Variants in EIF2B2 observed in about 807,000 individuals in gnomAD.
EIF2B2 encodes eukaryotic translation initiation factor 2B subunit beta, also known as translation initiation factor eIF2B subunit beta.
EIF2B2 carries 34 observed loss-of-function variants against 34.7 expected under a neutral mutation model. The ratio of observed to expected loss-of-function variants is 0.98; its 90% CI spans 0.75 to 1.31. The LOEUF (loss-of-function observed/expected upper bound fraction) is 1.31. Ranked by LOEUF, EIF2B2 falls within the 50% of genes most tolerant of loss-of-function variation. The pLI is 0.00. For synonymous variants in EIF2B2, 155 were observed against 171.6 expected, an observed-to-expected ratio of 0.90 and a Z score of 0.76; for missense variants, 361 against 447.7, an observed-to-expected ratio of 0.81 and a Z score of 1.75.
chr14:75,008,914 G>A, intron 7 of EIF2B2, 117 bp from the exon 8 acceptor site: 1 of 1,389,764 alleles, frequency 7.2e-7, no homozygotes, highest in South Asian at 1.2e-5. Flanking sequence ...TTTTTCCATA[G>A]CTTCCCGTCC....
At position 75,004,817 on chromosome 14, in the gene EIF2B2, C is replaced by T. The variant is rs758398310; in HGVS notation, c.514C>T (p.Arg172Ter). Residue 172 changes from arginine to a stop codon, truncating the protein, a stop_gained, in exon 4 of 8, where the codon CGA (arginine) becomes TGA (stop). Transcript: ENST00000266126. LOFTEE classifies it high-confidence loss of function. ...GGTGATCATGACCATTGGCTTCTCC[C>T]GAACAGTAGAGGCCTTCCTCAAAGA... ...NEVIMTIGFSRTVEAFLKEAA... is the reference protein window; with the variant it reads ...NEVIMTIGFS 13 of 1,610,740 alleles carry T rather than the reference C, an allele frequency of 8.1e-6. No individual in the cohort carries two copies. Among genetic ancestry groups the T allele is most frequent in the East Asian group, 2.2e-5 (1 of 44,784 alleles).
intron 4 of EIF2B2, among the ~76,000 whole-genome samples, chr14:75,005,505 A>T (rs1170670904): frequency 6.6e-6 from 1 of 152,196 alleles, no homozygotes; most frequent in African/African-American, 2.4e-5. Context: ...GATCCTAAGT[A>T]AATAATAGGT....
Position 75,004,703 on chromosome 14 carries a change from TTTTTTTTTTTTTTTTG to T in EIF2B2, c.434-33_434-18del. ...TATATATATATATTTTTTTTTTTTTTTTTTTTTTTTTTTTTGCAAAACCGTTCTTACAGAAGGGACA... is the reference window on the plus strand; with the variant it reads ...TATATATATATATTTTTTTTTTTTTTCAAAACCGTTCTTACAGAAGGGACA... On this transcript the variant is annotated intron_variant, in intron 3 of 7. Coordinates refer to ENST00000266126, the MANE Select transcript of EIF2B2 (RefSeq NM_014239.4). 1.6e-6 allele frequency: 1 copy of T among 606,638 alleles called. No individual in the cohort carries two copies. The highest frequency in any genetic ancestry group is 5.4e-5 in the South Asian group (1 of 18,488). 37.6% of individuals were successfully genotyped at this position (606,638 alleles called of 1,614,324 possible).
rs1013314 is a variant in EIF2B2, at chr14:75,011,821, G to A, written c.*2633G>A. The A allele has an allele frequency of 6.6e-6, 1 of 152,184 alleles. No homozygotes were observed. Among genetic ancestry groups the A allele is most frequent in the African/African-American group, 2.4e-5 (1 of 41,444 alleles). 9.4% of individuals were successfully genotyped at this position (152,184 alleles called of 1,614,324 possible). On this transcript the variant is annotated 3_prime_UTR_variant, in exon 8 of 8. Coordinates refer to ENST00000266126, the MANE Select transcript of EIF2B2 (RefSeq NM_014239.4). ...GGTACAATTGTGTGGTTTGGAGTAA[G>A]AGCAGCAGTGAGGCAAGGAACTTAA...
At chr14:75,007,431 CCTGA>C in intron 6 of EIF2B2, 3 of 366,256 alleles carry the variant, frequency 8.2e-6, no homozygotes, top group South Asian at 2.3e-5. Flanking sequence ...ACATGTTGTG[CCTGA>C]CTTTTTTCAC....
chr14:75,005,911 A>C lies in EIF2B2; in HGVS notation c.643A>C (p.Thr215Pro). 1 of 1,613,612 alleles carries C rather than the reference A, an allele frequency of 6.2e-7. No homozygotes were observed. Among genetic ancestry groups the C allele is most frequent in the Non-Finnish European group, 8.5e-7 (1 of 1,179,606 alleles). ...TTTGTCCAAAGCAGGTATTGAGACA[A>C]CTGTCATGACTGATGCTGCCATTTT... is the stretch of plus-strand genomic sequence containing the variant. ...VNLSKAGIETTVMTDAAIFAV... is the reference protein window; with the variant it reads ...VNLSKAGIETPVMTDAAIFAV... The change falls in exon 5 of 8, where the codon ACT becomes CCT. Residue 215 changes from threonine to proline, a missense_variant. Coordinates refer to ENST00000266126, the MANE Select transcript of EIF2B2 (RefSeq NM_014239.4).
At chr14:75,007,980 T>C (rs1194402692) in intron 7 of EIF2B2, among the ~76,000 whole-genome samples, 192 bp downstream of exon 7, 1 of 152,216 alleles carries the variant, frequency 6.6e-6, no homozygotes, top group Non-Finnish European at 1.5e-5. Context: ...ACCAAGTCCA[T>C]GTTAATTTGT....
Position 75,002,953 on chromosome 14 carries a change from G to T in EIF2B2, c.-38G>T. Reference sequence around the variant, plus strand: ...CAAACTGTGTGGTCTGGCAGGTGTGGATTCCGCCGGTGAAGGCTGAAGGCA... The same window carrying T: ...CAAACTGTGTGGTCTGGCAGGTGTGTATTCCGCCGGTGAAGGCTGAAGGCA... On this transcript the variant is annotated 5_prime_UTR_variant, in exon 1 of 8. Transcript: ENST00000266126. 4 of 1,613,262 alleles carry T rather than the reference G, an allele frequency of 2.5e-6. No homozygotes were observed. Among genetic ancestry groups the T allele is most frequent in the Non-Finnish European group, 2.5e-6 (3 of 1,179,994 alleles).
At position 75,012,211 on chromosome 14, in the gene EIF2B2, C is replaced by A. The variant is rs1889716118; in HGVS notation, c.*3023C>A. 6.6e-6 allele frequency: 1 copy of A among 152,008 alleles called. No homozygotes were observed. The highest frequency in any genetic ancestry group is 2.1e-4 in the South Asian group (1 of 4,798). 9.4% of individuals were successfully genotyped at this position (152,008 alleles called of 1,614,324 possible). A position where few individuals can be genotyped will look rare whatever the true frequency, so the allele number is the denominator to read the frequency against. On this transcript the variant is annotated 3_prime_UTR_variant, in exon 8 of 8. Transcript: ENST00000266126. Reference sequence around the variant, plus strand: ...CCTGTCAGCCTTGGTATCAGGGGTGCCCACCTCCCACCCCTGCCTTGCTGG... The same window carrying A: ...CCTGTCAGCCTTGGTATCAGGGGTGACCACCTCCCACCCCTGCCTTGCTGG...
Position 75,007,711 on chromosome 14 carries a change from T to C in EIF2B2, c.832-11T>C, listed in dbSNP as rs780478667. The C allele has an allele frequency of 4.3e-6, 7 of 1,612,570 alleles. No individual in the cohort carries two copies. The Admixed American group carries it at 1.2e-4, about 27-fold the overall frequency. The stretch of plus-strand genomic sequence containing the variant: ...TGGGTCTCTAGTTTTTATAAATTTT[T>C]TCCTTTTTAGTTCCCCAATGAAGAA... On this transcript the variant is annotated splice_polypyrimidine_tract_variant and intron_variant, in intron 6 of 7. Transcript: ENST00000266126.
chr14:75,007,668 A>AC, intron 6 of EIF2B2, 54 bp from the exon 7 acceptor site: 1 of 1,402,482 alleles, frequency 7.1e-7, no homozygotes, highest in Non-Finnish European at 1.0e-6. Flanking sequence ...TAGGGTACAT[A>AC]CCTAGGAGTG....
chr14:75,009,247 G>C lies in EIF2B2; in HGVS notation c.*59G>C. The C allele has an allele frequency of 2.5e-6, 4 of 1,600,282 alleles. No individual in the cohort carries two copies. Among genetic ancestry groups the C allele is most frequent in the Non-Finnish European group, 3.4e-6 (4 of 1,169,440 alleles). ...CAGATACAGAATGAAGAGGAGACTT[G>C]AGTGTTGCTGCTGAAGCACATCCTT... On this transcript the variant is annotated 3_prime_UTR_variant, in exon 8 of 8. Coordinates refer to ENST00000266126, the MANE Select transcript of EIF2B2 (RefSeq NM_014239.4).
chr14:75,007,731 G>C lies in EIF2B2; in HGVS notation c.841G>C (p.Glu281Gln). The change falls in exon 7 of 8, where the codon GAA becomes CAA. Residue 281 changes from glutamate to glutamine, a missense_variant. Coordinates refer to ENST00000266126, the MANE Select transcript of EIF2B2 (RefSeq NM_014239.4). Reference sequence around the variant, plus strand: ...ATTTTTTCCTTTTTAGTTCCCCAATGAAGAAGACTCATTTCATAAGTTTGT... The same window carrying C: ...ATTTTTTCCTTTTTAGTTCCCCAATCAAGAAGACTCATTTCATAAGTTTGT... ...MFKLSPQFPNEEDSFHKFVAP... is the reference protein window; with the variant it reads ...MFKLSPQFPNQEDSFHKFVAP... 6.2e-7 allele frequency: 1 copy of C among 1,613,770 alleles called. No individual in the cohort carries two copies.
chr14:75,003,281 T>C lies in EIF2B2; in HGVS notation c.170T>C (p.Leu57Pro), dbSNP rs1889568063. The change falls in exon 2 of 8, where the codon CTG (leucine) becomes CCG (proline). Residue 57 changes from leucine to proline, a missense_variant. Leu to Pro is a moderately conservative substitution (Grantham distance 98, BLOSUM62 -3). Transcript: ENST00000266126. ...TDHRWSNAGE[L>P]MELIRREGRR... ...TCTCTCTTTTGGACTGTAGGGGAGC[T>C]GATGGAGCTGATCCGCAGAGAGGGC... The C allele has an allele frequency of 6.2e-7, 1 of 1,613,498 alleles. No homozygotes were observed. The highest frequency in any genetic ancestry group is 1.3e-5 in the African/African-American group (1 of 74,852).
At chr14:75,004,993 TAAGC>T in intron 4 of EIF2B2, 93 bp downstream of exon 4, 1 of 1,329,178 alleles carries the variant, frequency 7.5e-7, no homozygotes, top group Non-Finnish European at 1.1e-6. Flanking sequence ...CTTGAATTGA[TAAGC>T]AAGACTTTGA....
At chr14:75,007,535 A>G in intron 6 of EIF2B2, 187 bp from the exon 7 acceptor site, 1 of 543,576 alleles carries the variant, frequency 1.8e-6, no homozygotes, top group South Asian at 2.0e-5. Context: ...AACATACCAC[A>G]ATTTATTAAT....
In EIF2B2 at chr14:75,004,851, G is replaced by A. The variant is rs369078986; in HGVS notation, c.548G>A (p.Arg183Gln). The change falls in exon 4 of 8, where the codon CGA (arginine) becomes CAA (glutamine). Residue 183 changes from arginine to glutamine, a missense_variant. Coordinates refer to ENST00000266126, the MANE Select transcript of EIF2B2 (RefSeq NM_014239.4). ...TVEAFLKEAARKRKFHVIVAE... is the reference protein window; with the variant it reads ...TVEAFLKEAAQKRKFHVIVAE... ...GAGGCCTTCCTCAAAGAGGCTGCCC[G>A]AAAGAGGAAATTCCATGTCATTGTA... is the stretch of plus-strand genomic sequence containing the variant. The A allele has an allele frequency of 1.2e-5, 20 of 1,613,230 alleles. No individual in the cohort carries two copies. The highest frequency in any genetic ancestry group is 5.5e-5 in the South Asian group (5 of 91,070).
intron 1 of EIF2B2, 28 bp from the exon 2 acceptor site, chr14:75,003,247 C>T (rs773949162): frequency 1.2e-6 from 2 of 1,613,490 alleles, no homozygotes; most frequent in Admixed American, 1.7e-5. Context: ...GCGTTGGCTC[C>T]TCTTATCCTC....
At position 75,002,986 on chromosome 14, in the gene EIF2B2, T is replaced by C. The variant is rs768878879; in HGVS notation, c.-5T>C. ...CGGTGAAGGCTGAAGGCAGCTACCTTAAAGATGCCGGGATCCGCAGCGAAG... is the reference window on the plus strand; with the variant it reads ...CGGTGAAGGCTGAAGGCAGCTACCTCAAAGATGCCGGGATCCGCAGCGAAG... On this transcript the variant is annotated 5_prime_UTR_variant, in exon 1 of 8. Coordinates refer to ENST00000266126, the MANE Select transcript of EIF2B2 (RefSeq NM_014239.4). 1.2e-5 allele frequency: 19 copies of C among 1,613,984 alleles called. No homozygotes were observed. In the South Asian group the frequency reaches 2.0e-4, roughly 17 times the overall value.
Sources: allele counts gnomAD v4.1 joint callset (sites outside exome capture counted in the v4.1 genomes callset), GRCh38; gene constraint gnomAD v4.1.1; transcripts MANE v1.5; gene names NCBI Gene and HGNC (gene_info 2026-07-23, HGNC 2026-07-21).